COPB2: variants seen among roughly 807,000 people sequenced by gnomAD.
COPB2 encodes the protein coatomer subunit beta'.
Under a neutral mutation model 120.8 loss-of-function variants are expected in COPB2, and 16 were observed. The observed-to-expected ratio is 0.13, with a 90% CI of 0.09 to 0.20. The LOEUF is 0.20. COPB2 is among the 10% of genes least tolerant of loss of function. The pLI, the probability that COPB2 is intolerant of heterozygous loss-of-function variation, is 1.00. For missense variants in COPB2, 794 were observed against 1,076.5 expected, an observed-to-expected ratio of 0.74 and a Z score of 3.67; for synonymous variants, 332 against 366.3, an observed-to-expected ratio of 0.91 and a Z score of 1.07.
At position 139,373,633 on chromosome 3, in the gene COPB2, A is replaced by G. The variant is rs201791896; in HGVS notation, c.894+33T>C. The G allele has an allele frequency of 5.1e-5, 82 of 1,612,784 alleles. No homozygotes were observed. In the Admixed American group the frequency reaches 8.9e-4, roughly 17 times the overall value. Reference sequence around the variant, plus strand: ...AAATACAAAGAAAATGGTTTTGCCTATGTCCACCTACTGAGAGGGATAGTA... The same window carrying G: ...AAATACAAAGAAAATGGTTTTGCCTGTGTCCACCTACTGAGAGGGATAGTA... On this transcript the variant is annotated intron_variant, in intron 8 of 21. Coordinates refer to ENST00000333188, the MANE Select transcript of COPB2 (RefSeq NM_004766.3).
intron 10 of COPB2, 135 bp from the exon 11 acceptor site, chr3:139,369,679 G>A (rs1256507353): frequency 3.2e-6 from 2 of 630,142 alleles, no homozygotes; most frequent in African/African-American, 1.8e-5. Context: ...ATTATCTGAT[G>A]TACTGTTTTC....
Position 139,373,827 on chromosome 3 carries a change from A to G in COPB2, c.752-19T>C, listed in dbSNP as rs375756239. On this transcript the variant is annotated intron_variant, in intron 7 of 21. Coordinates refer to ENST00000333188, the MANE Select transcript of COPB2 (RefSeq NM_004766.3). ...ACTGTTCCTAAAAAGAACAATGTAA[A>G]TACTCCCTTTTGATACAAACATCCG... The G allele has an allele frequency of 6.8e-6, 11 of 1,613,544 alleles. No homozygotes were observed. In the African/African-American group the frequency reaches 1.1e-4, roughly 16 times the overall value.
At chr3:139,362,232 T>G (rs766921953) in intron 16 of COPB2, among the ~76,000 whole-genome samples, 175 bp downstream of exon 16, 1 of 152,226 alleles carries the variant, frequency 6.6e-6, no homozygotes, top group African/African-American at 2.4e-5. Flanking sequence ...ATTTAACTTA[T>G]GCAAAGTTTA....
intron 15 of COPB2, among the ~76,000 whole-genome samples, 160 bp from the exon 16 acceptor site, chr3:139,362,677 A>ATT (rs1941446770): frequency 1.3e-5 from 2 of 152,214 alleles, no homozygotes. Flanking sequence ...AGAAGATGGA[A>ATT]TAATTAAGGA....
intron 1 of COPB2, among the ~76,000 whole-genome samples, chr3:139,388,626 G>GTTTT (rs35109875): frequency 1.6e-5 from 2 of 121,476 alleles, no homozygotes; most frequent in African/African-American, 2.8e-5. Context: ...TTCATAACAA[G>GTTTT]TTTTTTTTTT....
In COPB2 at chr3:139,358,280, A is replaced by G. The variant is rs926212014; in HGVS notation, c.2554-9T>C. 3.1e-6 allele frequency: 5 copies of G among 1,610,776 alleles called. No individual in the cohort carries two copies. Among genetic ancestry groups the G allele is most frequent in the Middle Eastern group, 1.6e-4 (1 of 6,076 alleles). On this transcript the variant is annotated splice_polypyrimidine_tract_variant and intron_variant, in intron 20 of 21. Transcript: ENST00000333188. ...GGTTTCCCATCAAGTTCCTGAAACC[A>G]CAAGTGAAGATATATATGAAGACAA...
chr3:139,388,273 G>A (rs1020161990), intron 1 of COPB2: 1 of 152,014 alleles, frequency 6.6e-6, no homozygotes, highest in South Asian at 2.1e-4. Flanking sequence ...AAAGTCCACG[G>A]ATAGTGCTAG....
At chr3:139,366,547 G>GA (rs755836636) in intron 15 of COPB2, 21 bp downstream of exon 15, 7 of 1,564,392 alleles carry the variant, frequency 4.5e-6, no homozygotes, top group East Asian at 2.3e-5. Flanking sequence ...AAAACAAAAA[G>GA]AAAAAAACAA....
intron 2 of COPB2, 137 bp from the exon 3 acceptor site, chr3:139,379,603 A>C: frequency 3.0e-6 from 2 of 658,292 alleles, no homozygotes; most frequent in Non-Finnish European, 5.0e-6. Flanking sequence ...ATAAAAGCTC[A>C]ACATTCAAAT....
chr3:139,382,080 C>T (rs1941826452), intron 2 of COPB2: 1 of 152,168 alleles, frequency 6.6e-6, no homozygotes, highest in Non-Finnish European at 1.5e-5. Context: ...TACTGAGATA[C>T]AGCAGAAAAC....
At chr3:139,373,534 T>C in intron 8 of COPB2, 122 bp from the exon 9 acceptor site, 3 of 1,495,584 alleles carry the variant, frequency 2.0e-6, no homozygotes, top group Non-Finnish European at 2.7e-6. Context: ...TAAATCTTCA[T>C]TGCTTAATGT....
In COPB2 at chr3:139,369,373, G is replaced by T. The variant is rs376000325; in HGVS notation, c.1295-6C>A. The T allele has an allele frequency of 6.2e-6, 10 of 1,611,280 alleles. No individual in the cohort carries two copies. The African/African-American group carries it at 8.0e-5, about 13-fold the overall frequency. On this transcript the variant is annotated splice_region_variant and splice_polypyrimidine_tract_variant and intron_variant, in intron 11 of 21. Transcript: ENST00000333188. ...TAAGAAGCCGCCGTAGATACCTAAA[G>T]GGAACATAAAAAGAGTTTTGCTTAG...
intron 2 of COPB2, chr3:139,381,407 C>G (rs1390556379): frequency 6.6e-6 from 1 of 151,994 alleles, no homozygotes; most frequent in African/African-American, 2.4e-5. Context: ...GATATAAACA[C>G]AGGGAAAAAA....
intron 1 of COPB2, among the ~76,000 whole-genome samples, chr3:139,389,077 C>G (rs537633601): frequency 1.3e-5 from 2 of 152,276 alleles, no homozygotes; most frequent in South Asian, 4.1e-4. Context: ...ATTTGAAATT[C>G]CATTTTTGAC....
rs760514951 is a variant in COPB2 at position 139,374,578 on chromosome 3, CAT to C, written c.660_661del (p.Val222AlafsTer18). Reference sequence around the variant, plus strand: ...GGCATGTCCTTCCAGTGTCTGCACACATGTTTTATTCTGTAATTAAGACATAG... The same window carrying C: ...GGCATGTCCTTCCAGTGTCTGCACACGTTTTATTCTGTAATTAAGACATAG... On this transcript the variant is annotated frameshift_variant, in exon 7 of 22. Coordinates refer to ENST00000333188, the MANE Select transcript of COPB2 (RefSeq NM_004766.3). LOFTEE classifies it high-confidence loss of function. 5 of 1,613,344 alleles carry C rather than the reference CAT, an allele frequency of 3.1e-6. No homozygotes were observed. Among genetic ancestry groups the C allele is most frequent in the East Asian group, 2.2e-5 (1 of 44,866 alleles).
upstream of COPB2, chr3:139,389,648 T>A: frequency 7.7e-7 from 1 of 1,295,914 alleles, no homozygotes; most frequent in Non-Finnish European, 1.1e-6. Context: ...CTGACTGACG[T>A]GGAACTTCCG....
rs531481586 is a variant in COPB2, at chr3:139,383,182, T to C, written c.141+116A>G. The stretch of plus-strand genomic sequence containing the variant: ...CATATTTAAAATACTTTGTACCAAC[T>C]TGAGAAAGCAGTTTGCATATAGATT... On this transcript the variant is annotated intron_variant, in intron 2 of 21. Transcript: ENST00000333188. 79 of 1,203,576 alleles carry C rather than the reference T, an allele frequency of 6.6e-5. No individual in the cohort carries two copies. The African/African-American group carries it at 8.4e-4, about 13-fold the overall frequency. 74.6% of individuals were successfully genotyped at this position (1,203,576 alleles called of 1,614,324 possible). A position where few individuals can be genotyped will look rare whatever the true frequency, so the allele number is the denominator to read the frequency against.
intron 15 of COPB2, 60 bp from the exon 16 acceptor site, chr3:139,362,577 TATATATATATATACACACAC>T (rs1306669077): frequency 4.3e-5 from 29 of 680,844 alleles, no homozygotes; most frequent in Non-Finnish European, 6.0e-5. Flanking sequence ...GTATGTTTTA[TATATATATATATACACACAC>T]ATATACAGTG....
chr3:139,383,957 C>T (rs1941863314), intron 1 of COPB2, among the ~76,000 whole-genome samples: 1 of 152,138 alleles, frequency 6.6e-6, no homozygotes, highest in African/African-American at 2.4e-5. Context: ...GATGGTTTCT[C>T]ATTATCTGCT....
Sources: gnomAD v4.1 joint callset for allele counts (sites outside exome capture counted in the v4.1 genomes callset) on GRCh38, gnomAD v4.1.1 for gene constraint, MANE v1.5 for transcripts, NCBI Gene and HGNC (gene_info 2026-07-23, HGNC 2026-07-21) for gene names.